GRID2: variants seen among roughly 807,000 people sequenced by gnomAD.
GRID2 encodes glutamate ionotropic receptor delta type subunit 2.
In GRID2, 33 loss-of-function variants were observed where a neutral mutation model predicts 114.8. That is an observed-to-expected ratio of 0.29 (90% CI 0.22 to 0.38). The LOEUF (loss-of-function observed/expected upper bound fraction) is 0.38. GRID2 is among the 10% of genes least tolerant of loss of function. The pLI, the probability that GRID2 is intolerant of heterozygous loss-of-function variation, is 1.00. For synonymous variants in GRID2, 505 were observed against 449.9 expected, an observed-to-expected ratio of 1.12 and a Z score of -1.55; for missense variants, 1,184 against 1,257.7, an observed-to-expected ratio of 0.94 and a Z score of 0.89.
intron 3 of GRID2, among the ~76,000 whole-genome samples, chr4:93,103,955 G>C (rs916804463): frequency 6.6e-6 from 1 of 150,734 alleles, no homozygotes; most frequent in African/African-American, 2.4e-5. Context: ...TTAGGTACAA[G>C]GGGAGTGTGT....
chr4:93,730,683 G>T (rs993619680), intron 14 of GRID2, among the ~76,000 whole-genome samples: 5 of 152,132 alleles, frequency 3.3e-5, no homozygotes, highest in Non-Finnish European at 7.3e-5. Context: ...AGCAGGGCAG[G>T]GGGTTGACAA....
At chr4:93,289,905 A>G (rs1262300530) in intron 8 of GRID2, among the ~76,000 whole-genome samples, 1 of 152,220 alleles carries the variant, frequency 6.6e-6, no homozygotes, top group Non-Finnish European at 1.5e-5. Flanking sequence ...AAATTGGAGT[A>G]AAGAAGTCCA....
intron 2 of GRID2, among the ~76,000 whole-genome samples, chr4:92,779,186 A>ATGTGTGTGTGTGTG (rs70942930): frequency 1.1e-3 from 167 of 147,330 alleles, no homozygotes; most frequent in Non-Finnish European, 1.8e-3. Context: ...TAGTAAGTAA[A>ATGTGTGTGTGTGTG]TGTGTGTGTG....
intron 8 of GRID2, among the ~76,000 whole-genome samples, chr4:93,331,845 TAA>T (rs934454926): frequency 6.6e-6 from 1 of 152,070 alleles, no homozygotes; most frequent in African/African-American, 2.4e-5. Context: ...GTAATAGTTG[TAA>T]AGAGACACAA....
At chr4:93,083,354 CAT>C (rs1308969854) in intron 2 of GRID2, among the ~76,000 whole-genome samples, 1 of 151,938 alleles carries the variant, frequency 6.6e-6, no homozygotes, top group Non-Finnish European at 1.5e-5. Context: ...ATGACTAGAA[CAT>C]ATGATTTTTG....
intron 1 of GRID2, among the ~76,000 whole-genome samples, chr4:92,571,953 C>T (rs538976315): frequency 6.6e-6 from 1 of 152,064 alleles, no homozygotes; most frequent in East Asian, 1.9e-4. Flanking sequence ...AATTGACACC[C>T]TAACATCACA....
At chr4:93,485,514 A>G (rs1353837446) in intron 11 of GRID2, among the ~76,000 whole-genome samples, 2 of 151,678 alleles carry the variant, frequency 1.3e-5, no homozygotes, top group Admixed American at 1.3e-4. Flanking sequence ...TTTACCTTTT[A>G]TATTTATATC....
At chr4:93,397,428 G>A (rs1182684717) in intron 9 of GRID2, among the ~76,000 whole-genome samples, 7 of 147,212 alleles carry the variant, frequency 4.8e-5, no homozygotes, top group African/African-American at 1.5e-4. Context: ...GAAAACTCCA[G>A]TGATGATTGC....
rs188625875 is a variant in GRID2, at chr4:93,672,768, T to A, written c.2360+46333T>A. Among the ~76,000 whole-genome samples, 337 of 152,366 alleles carry A rather than the reference T, an allele frequency of 2.2e-3. 1 individual carries two copies. Among genetic ancestry groups the A allele is most frequent in the African/African-American group, 7.1e-3 (296 of 41,584 alleles). ...CAGCCATCTAACCAATTTGTAGATA[T>A]CCTATCTTTTATACCAGGACAGTGT... is the stretch of plus-strand genomic sequence containing the variant. On this transcript the variant is annotated intron_variant, in intron 14 of 15. Coordinates refer to ENST00000282020, the MANE Select transcript of GRID2 (RefSeq NM_001510.4).
Position 92,592,589 on chromosome 4 carries a change from A to T in GRID2, c.244+2303A>T, listed in dbSNP as rs185437918. Among the ~76,000 whole-genome samples the T allele has an allele frequency of 2.2e-4, 33 of 152,260 alleles. No homozygotes were observed. In the East Asian group the frequency reaches 5.4e-3, roughly 25 times the overall value. ...CACTGAAAGCAAATTGAGAGAGGCA[A>T]TAAGGTTCCCAGATAGAGACCACTA... is the stretch of plus-strand genomic sequence containing the variant. On this transcript the variant is annotated intron_variant, in intron 2 of 15. Transcript: ENST00000282020.
chr4:93,589,581 C>T (rs1454683223), intron 13 of GRID2, among the ~76,000 whole-genome samples: 3 of 152,004 alleles, frequency 2.0e-5, no homozygotes, highest in Non-Finnish European at 4.4e-5. Flanking sequence ...AATGGGATGG[C>T]TGGGTCAAAT....
chr4:93,540,352 T>C lies in GRID2; in HGVS notation c.2193+24941T>C, dbSNP rs113400656. Among the ~76,000 whole-genome samples the C allele has an allele frequency of 1.2e-3, 183 of 152,218 alleles. 1 individual carries two copies. Among genetic ancestry groups the C allele is most frequent in the African/African-American group, 4.3e-3 (178 of 41,562 alleles). On this transcript the variant is annotated intron_variant, in intron 13 of 15. Transcript: ENST00000282020. The stretch of plus-strand genomic sequence containing the variant: ...CATCGTCTGTTGCTTTCAAGTTGCT[T>C]TTTCTTTTCTAATTGTTTTAGTCAC...
At chr4:93,316,321 AAAGAAAGAAAG>A (rs1379307307) in intron 8 of GRID2, among the ~76,000 whole-genome samples, 1 of 50,944 alleles carries the variant, frequency 2.0e-5, no homozygotes, top group Non-Finnish European at 3.9e-5. Context: ...AGAAAGAAAG[AAAGAAAGAAAG>A]AAAGAAAGAA....
In GRID2 at chr4:92,411,649, G is replaced by GTATATATATATATATA. The variant is rs1320090236; in HGVS notation, c.88+106906_88+106907insATATATATATATATAT. Among the ~76,000 whole-genome samples the GTATATATATATATATA allele has an allele frequency of 4.8e-3, 453 of 94,320 alleles. 3 individuals are homozygous for GTATATATATATATATA. The highest frequency in any genetic ancestry group is 0.011 in the Middle Eastern group (2 of 182). 61.9% of individuals were successfully genotyped at this position (94,320 alleles called of 152,430 possible). A position where few individuals can be genotyped will look rare whatever the true frequency, so the allele number is the denominator to read the frequency against. Reference sequence around the variant, plus strand: ...CATGTGTGTGTGTGTGTGTGTGTGTGTGTGTGTATATATATATATATATAT... The same window carrying GTATATATATATATATA: ...CATGTGTGTGTGTGTGTGTGTGTGTGTATATATATATATATATGTGTGTATATATATATATATATAT... On this transcript the variant is annotated intron_variant, in intron 1 of 15. Coordinates refer to ENST00000282020, the MANE Select transcript of GRID2 (RefSeq NM_001510.4).
At chr4:93,306,971 G>T (rs60165132) in intron 8 of GRID2, among the ~76,000 whole-genome samples, 5,478 of 152,222 alleles carry the variant, frequency 0.036, 359 homozygotes, top group African/African-American at 0.12. Flanking sequence ...GCCGAGGTGG[G>T]CAGATTACGA....
intron 14 of GRID2, among the ~76,000 whole-genome samples, chr4:93,680,759 G>C (rs1169807274): frequency 6.6e-6 from 1 of 151,806 alleles, no homozygotes; most frequent in Admixed American, 6.6e-5. Context: ...CAATAAATTA[G>C]GTATTGATGG....
chr4:93,712,941 A>G lies in GRID2; in HGVS notation c.2361-56269A>G, dbSNP rs377450273. Among the ~76,000 whole-genome samples, 9 of 152,314 alleles carry G rather than the reference A, an allele frequency of 5.9e-5. No homozygotes were observed. The South Asian group carries it at 1.0e-3, about 18-fold the overall frequency. On this transcript the variant is annotated intron_variant, in intron 14 of 15. Transcript: ENST00000282020. ...ACAATAGGTATCCAGTATGCAAGTC[A>G]GTAAGACATGTAAAATCTGTGACAT...
chr4:92,920,379 A>G (rs1168192601), intron 2 of GRID2, among the ~76,000 whole-genome samples: 12 of 152,168 alleles, frequency 7.9e-5, no homozygotes, highest in Non-Finnish European at 5.9e-5. Flanking sequence ...TGTGAATTTG[A>G]TCCTGTCATT....
At chr4:93,379,793 T>G (rs1763688555) in intron 8 of GRID2, among the ~76,000 whole-genome samples, 1 of 152,092 alleles carries the variant, frequency 6.6e-6, no homozygotes. Context: ...GATACTTATT[T>G]GAGAGATGCA....
Sources: allele counts gnomAD v4.1 joint callset (sites outside exome capture counted in the v4.1 genomes callset), GRCh38; gene constraint gnomAD v4.1.1; transcripts MANE v1.5; gene names NCBI Gene and HGNC (gene_info 2026-07-23, HGNC 2026-07-21).